The following SGCZ variants were observed in gnomAD, a reference collection of about 807,000 sequenced individuals.
SGCZ encodes the protein zeta-sarcoglycan.
In SGCZ, 40 loss-of-function variants were observed where a neutral mutation model predicts 41.3. The ratio of observed to expected loss-of-function variants is 0.97; its 90% CI spans 0.75 to 1.26. The LOEUF is 1.26. Ranked by LOEUF, SGCZ falls within the 50% of genes most tolerant of loss-of-function variation. The pLI is 0.00. For synonymous variants in SGCZ, 206 were observed against 137.5 expected (o/e 1.50, Z -3.49); for missense variants, 552 against 369.8 (o/e 1.49, Z -4.04).
intron 1 of SGCZ, among the ~76,000 whole-genome samples, chr8:15,159,514 A>T (rs922823161): frequency 6.6e-5 from 10 of 152,018 alleles, no homozygotes; most frequent in African/African-American, 2.2e-4. Context: ...GTGGCATCTG[A>T]AGCTACTTCC....
intron 2 of SGCZ, among the ~76,000 whole-genome samples, chr8:14,506,478 AAAC>A (rs1802308117): frequency 6.7e-6 from 1 of 148,732 alleles, no homozygotes. Flanking sequence ...GAAACAAACA[AAAC>A]AAGTTATTAA....
intron 1 of SGCZ, among the ~76,000 whole-genome samples, chr8:14,729,473 T>C (rs1196500132): frequency 6.6e-6 from 1 of 152,156 alleles, no homozygotes; most frequent in African/African-American, 2.4e-5. Context: ...GAGGACTTAT[T>C]TCAACACGAC....
At chr8:15,083,671 C>G (rs763112335) in intron 1 of SGCZ, among the ~76,000 whole-genome samples, 3 of 152,166 alleles carry the variant, frequency 2.0e-5, no homozygotes, top group Non-Finnish European at 2.9e-5. Flanking sequence ...ACCTCAGCCT[C>G]CAGAGTAGCT....
chr8:14,163,015 C>A lies in SGCZ; in HGVS notation c.547+1565G>T, dbSNP rs114825530. Among the ~76,000 whole-genome samples, 863 of 152,252 alleles carry A rather than the reference C, an allele frequency of 5.7e-3. 7 individuals carry two copies. The highest frequency in any genetic ancestry group is 0.018 in the African/African-American group (758 of 41,548). ...CCTCCTGAGTAGCTGGGACTATGGA[C>A]ACACACCTTCATGCCTGGTTAATTT... On this transcript the variant is annotated intron_variant, in intron 5 of 7. Coordinates refer to ENST00000382080, the MANE Select transcript of SGCZ (RefSeq NM_139167.4).
At chr8:14,223,146 T>A (rs1219804257) in intron 4 of SGCZ, among the ~76,000 whole-genome samples, 1 of 152,094 alleles carries the variant, frequency 6.6e-6, no homozygotes, top group Non-Finnish European at 1.5e-5. Context: ...TCATCTTACA[T>A]CGAATTATCA....
intron 2 of SGCZ, among the ~76,000 whole-genome samples, chr8:14,326,554 T>C (rs1240201671): frequency 6.6e-6 from 1 of 152,058 alleles, no homozygotes; most frequent in Non-Finnish European, 1.5e-5. Context: ...GTAAGAGATT[T>C]GGGTTAAATT....
chr8:14,217,822 G>C (rs190826009), intron 4 of SGCZ, among the ~76,000 whole-genome samples: 1 of 151,856 alleles, frequency 6.6e-6, no homozygotes, highest in East Asian at 1.9e-4. Flanking sequence ...GTAGAGACAA[G>C]GTTTCACCAT....
chr8:14,720,742 A>G (rs1391534425), intron 1 of SGCZ, among the ~76,000 whole-genome samples: 1 of 152,080 alleles, frequency 6.6e-6, no homozygotes, highest in East Asian at 1.9e-4. Flanking sequence ...CACGTAAACT[A>G]CCAAGACTGA....
intron 1 of SGCZ, among the ~76,000 whole-genome samples, chr8:15,082,029 G>A (rs1310159255): frequency 2.0e-5 from 3 of 151,954 alleles, no homozygotes; most frequent in South Asian, 2.1e-4. Flanking sequence ...TAAGAACTGC[G>A]ACCAACCTGG....
chr8:14,399,415 C>T (rs1296555024), intron 2 of SGCZ, among the ~76,000 whole-genome samples: 1 of 152,130 alleles, frequency 6.6e-6, no homozygotes, highest in Non-Finnish European at 1.5e-5. Context: ...GATGCTCAAT[C>T]ACACTTGACA....
rs1210411231 is a variant in SGCZ at position 14,950,911 on chromosome 8, G to C, written c.39+286674C>G. On this transcript the variant is annotated intron_variant, in intron 1 of 7. Coordinates refer to ENST00000382080, the MANE Select transcript of SGCZ (RefSeq NM_139167.4). ...GAAGTCTTAAATTTAAATGGAAAGA[G>C]CCAAAATTAATGAATACTCTAGGCT... Among the ~76,000 whole-genome samples, 3 of 151,970 alleles carry C rather than the reference G, an allele frequency of 2.0e-5. No homozygotes were observed. The East Asian group carries it at 5.8e-4, about 29-fold the overall frequency.
rs184775520 is a variant in SGCZ, at chr8:14,455,501, C to T, written c.234+99231G>A. ...ACACACACACACACACGCATATACA[C>T]ACTTCTCTTTCCTTTCAATAGATAG... On this transcript the variant is annotated intron_variant, in intron 2 of 7. Coordinates refer to ENST00000382080, the MANE Select transcript of SGCZ (RefSeq NM_139167.4). Among the ~76,000 whole-genome samples the T allele has an allele frequency of 2.6e-3, 401 of 151,480 alleles. 5 individuals carry two copies. The highest frequency in any genetic ancestry group is 8.9e-3 in the African/African-American group (368 of 41,222).
At chr8:14,582,428 C>T (rs1804921688) in intron 1 of SGCZ, among the ~76,000 whole-genome samples, 1 of 152,060 alleles carries the variant, frequency 6.6e-6, no homozygotes, top group Non-Finnish European at 1.5e-5. Context: ...CATATATGCA[C>T]ATATAATACG....
intron 1 of SGCZ, among the ~76,000 whole-genome samples, chr8:14,936,450 T>G (rs914554021): frequency 1.2e-4 from 19 of 152,070 alleles, no homozygotes; most frequent in Admixed American, 1.1e-3. Context: ...TATTGAAAAC[T>G]GTACTTAAAG....
chr8:14,508,153 A>G (rs1802363481), intron 2 of SGCZ, among the ~76,000 whole-genome samples: 1 of 152,064 alleles, frequency 6.6e-6, no homozygotes, highest in Non-Finnish European at 1.5e-5. Context: ...CCAAGAACTT[A>G]CCAGTACCTA....
At chr8:15,089,396 T>G (rs1436436324) in intron 1 of SGCZ, among the ~76,000 whole-genome samples, 1 of 152,162 alleles carries the variant, frequency 6.6e-6, no homozygotes, top group Non-Finnish European at 1.5e-5. Context: ...GAATTTAAGA[T>G]AAATTTCTTA....
intron 2 of SGCZ, among the ~76,000 whole-genome samples, chr8:14,351,758 T>C (rs1803105739): frequency 6.6e-6 from 1 of 152,104 alleles, no homozygotes; most frequent in Non-Finnish European, 1.5e-5. Flanking sequence ...TTTTGAATTC[T>C]GCTGACTGAT....
At chr8:15,050,095 A>ACGTAGG (rs1290313175) in intron 1 of SGCZ, among the ~76,000 whole-genome samples, 1 of 152,180 alleles carries the variant, frequency 6.6e-6, no homozygotes, top group Non-Finnish European at 1.5e-5. Flanking sequence ...ACACACAGAC[A>ACGTAGG]CACATGCACA....
chr8:15,038,180 G>T (rs981525987), intron 1 of SGCZ, among the ~76,000 whole-genome samples: 4 of 151,986 alleles, frequency 2.6e-5, no homozygotes, highest in African/African-American at 9.7e-5. Flanking sequence ...AAATCTGAAG[G>T]TATTACACTG....
Sources: allele counts gnomAD v4.1 joint callset (sites outside exome capture counted in the v4.1 genomes callset), GRCh38; gene constraint gnomAD v4.1.1; transcripts MANE v1.5; gene names NCBI Gene and HGNC (gene_info 2026-07-23, HGNC 2026-07-21).